Variants in CLIP1 observed in about 807,000 individuals in gnomAD.
CLIP1 encodes CAP-Gly domain-containing linker protein 1.
CLIP1 carries 66 observed loss-of-function variants against 161.6 expected under a neutral mutation model. That is an observed-to-expected ratio of 0.41 (90% CI 0.33 to 0.50). The LOEUF (loss-of-function observed/expected upper bound fraction) is 0.50. Among genes scored for constraint, CLIP1 ranks in the 20% least tolerant of loss-of-function variants. CLIP1 has a pLI of 0.27. For synonymous variants in CLIP1, 598 were observed against 626.2 expected (o/e 0.96, Z 0.67); for missense variants, 1,376 against 1,702.0 (o/e 0.81, Z 3.37).
intron 17 of CLIP1, among the ~76,000 whole-genome samples, chr12:122,325,244 G>C (rs1001831444): frequency 6.6e-6 from 1 of 151,962 alleles, no homozygotes; most frequent in Non-Finnish European, 1.5e-5. Context: ...TTTTAGTAGA[G>C]ACGGGGTTTC....
chr12:122,417,402 G>A (rs1189981896), intron 1 of CLIP1, among the ~76,000 whole-genome samples: 1 of 152,064 alleles, frequency 6.6e-6, no homozygotes, highest in Non-Finnish European at 1.5e-5. Flanking sequence ...GGAGTCCAAG[G>A]CTATAGTGAG....
chr12:122,341,519 G>A lies in CLIP1; in HGVS notation c.1685C>T (p.Thr562Ile). 6.2e-7 allele frequency: 1 copy of A among 1,614,084 alleles called. No homozygotes were observed. The highest frequency in any genetic ancestry group is 8.5e-7 in the Non-Finnish European group (1 of 1,180,018). Residue 562 changes from threonine to isoleucine, a missense_variant, in exon 11 of 26, where the codon ACC becomes ATC. Thr to Ile is a moderately conservative substitution (Grantham distance 89). Transcript: ENST00000620786. ...ISSLQEKLEV[T>I]RTDHQREITS... is the part of the protein sequence containing the mutation. ...TATTTCTCTCTGGTGGTCAGTACGG[G>A]TGACTTCTAACTTTTCTTGCAAAGA... is the stretch of plus-strand genomic sequence containing the variant.
intron 7 of CLIP1, among the ~76,000 whole-genome samples, chr12:122,352,994 TAAA>T (rs55873939): frequency 7.2e-6 from 1 of 138,244 alleles, no homozygotes; most frequent in Non-Finnish European, 1.6e-5. Context: ...TCCTTATATT[TAAA>T]AAAAAAAAAA....
chr12:122,406,817 T>G (rs1418933022), intron 1 of CLIP1, among the ~76,000 whole-genome samples: 1 of 151,976 alleles, frequency 6.6e-6, no homozygotes, highest in Non-Finnish European at 1.5e-5. Flanking sequence ...TGAGCTCTGA[T>G]GCAACTGCCT....
chr12:122,343,276 G>C (rs1253371423), intron 10 of CLIP1: 1 of 151,764 alleles, frequency 6.6e-6, no homozygotes, highest in Non-Finnish European at 1.5e-5. Flanking sequence ...TGGGATTACA[G>C]GCATGTGCCA....
intron 17 of CLIP1, among the ~76,000 whole-genome samples, chr12:122,324,557 A>C (rs1951637205): frequency 1.3e-5 from 2 of 152,224 alleles, no homozygotes; most frequent in South Asian, 4.1e-4. Context: ...ATAAAAAGGT[A>C]AGTCAAAAGT....
At chr12:122,405,531 G>A (rs1310616033) in intron 1 of CLIP1, among the ~76,000 whole-genome samples, 2 of 152,218 alleles carry the variant, frequency 1.3e-5, no homozygotes, top group Non-Finnish European at 2.9e-5. Context: ...GCTCACACCT[G>A]TAATCCCAGC....
At position 122,319,359 on chromosome 12, in the gene CLIP1, G is replaced by A. The variant is rs749650109; in HGVS notation, c.3250-11C>T. On this transcript the variant is annotated splice_polypyrimidine_tract_variant and intron_variant, in intron 17 of 25. Coordinates refer to ENST00000620786, the MANE Select transcript of CLIP1 (RefSeq NM_001247997.2). The stretch of plus-strand genomic sequence containing the variant: ...CGCTGTTTGAGCAGCCTAAATACAA[G>A]GAAACACTGTGAGAAATGAGGACAG... 6.3e-7 allele frequency: 1 copy of A among 1,598,914 alleles called. No individual in the cohort carries two copies. Among genetic ancestry groups the A allele is most frequent in the African/African-American group, 1.3e-5 (1 of 74,632 alleles).
intron 1 of CLIP1, among the ~76,000 whole-genome samples, chr12:122,390,174 T>TATATATATATATATATATATATATATA (rs1955538695): frequency 1.9e-4 from 11 of 58,034 alleles, no homozygotes; most frequent in Non-Finnish European, 3.0e-4. Flanking sequence ...CAGTCTCAGA[T>TATATATATATATATATATATATATATA]ATATATATAT....
At chr12:122,276,506 G>A (rs1243885974) in intron 24 of CLIP1, 5 of 1,285,708 alleles carry the variant, frequency 3.9e-6, no homozygotes, top group Admixed American at 4.6e-5. Flanking sequence ...AAGGAAGGGG[G>A]AAGAGAAGAC....
In CLIP1 at chr12:122,377,382, T is replaced by C. The variant is rs778688666; in HGVS notation, c.657+7A>G. 3 of 1,605,964 alleles carry C rather than the reference T, an allele frequency of 1.9e-6. No homozygotes were observed. Among genetic ancestry groups the C allele is most frequent in the Non-Finnish European group, 2.6e-6 (3 of 1,175,250 alleles). ...ATGAAATGACCTCAGAATGTTTCTC[T>C]ACTCACCAATACTCTGTCTCCGATT... On this transcript the variant is annotated splice_region_variant and intron_variant, in intron 3 of 25. Transcript: ENST00000620786.
At chr12:122,362,704 A>G (rs1362068820) in intron 4 of CLIP1, among the ~76,000 whole-genome samples, 2 of 71,744 alleles carry the variant, frequency 2.8e-5, no homozygotes, top group African/African-American at 1.0e-4. Flanking sequence ...TGTTTCAATA[A>G]AAATATGATA....
chr12:122,334,200 T>C (rs988161083), intron 13 of CLIP1, 90 bp from the exon 14 acceptor site: 3 of 771,612 alleles, frequency 3.9e-6, no homozygotes, highest in Admixed American at 4.4e-5. Context: ...TCAAATATTA[T>C]GCTCAAGAGA....
intron 20 of CLIP1, among the ~76,000 whole-genome samples, chr12:122,306,998 C>CTTTTTTTTTTT (rs56949793): frequency 1.2e-5 from 1 of 81,000 alleles, no homozygotes; most frequent in Non-Finnish European, 2.2e-5. Context: ...GGTAAGTTCA[C>CTTTTTTTTTTT]TTTTTTTTTT....
At chr12:122,409,370 C>T (rs912625521) in intron 1 of CLIP1, among the ~76,000 whole-genome samples, 8 of 151,822 alleles carry the variant, frequency 5.3e-5, no homozygotes, top group Non-Finnish European at 8.8e-5. Context: ...AAGTGATCTG[C>T]CCACCTTGGC....
chr12:122,295,736 T>C (rs970153125), intron 20 of CLIP1, among the ~76,000 whole-genome samples: 2 of 152,240 alleles, frequency 1.3e-5, no homozygotes, highest in Non-Finnish European at 2.9e-5. Flanking sequence ...TTGTTGAATT[T>C]TCAATTTCTC....
chr12:122,367,158 T>A (rs1359106611), intron 3 of CLIP1, among the ~76,000 whole-genome samples: 2 of 152,162 alleles, frequency 1.3e-5, no homozygotes, highest in African/African-American at 4.8e-5. Context: ...TAGGCTATAG[T>A]CAACAATTCT....
chr12:122,406,187 A>G (rs1593260965), intron 1 of CLIP1, among the ~76,000 whole-genome samples: 1 of 152,078 alleles, frequency 6.6e-6, no homozygotes, highest in Non-Finnish European at 1.5e-5. Context: ...GCTCACGCCC[A>G]TAATCCCAAC....
intron 1 of CLIP1, among the ~76,000 whole-genome samples, chr12:122,422,214 AG>A (rs1391168218): frequency 6.6e-6 from 1 of 152,022 alleles, no homozygotes; most frequent in Non-Finnish European, 1.5e-5. Context: ...GGGGCGGCGC[AG>A]GGGCAAGGAG....
Sources: allele counts gnomAD v4.1 joint callset (sites outside exome capture counted in the v4.1 genomes callset), GRCh38; gene constraint gnomAD v4.1.1; transcripts MANE v1.5; gene names NCBI Gene and HGNC (gene_info 2026-07-23, HGNC 2026-07-21).